Variants in MYO3A observed in about 807,000 individuals in gnomAD.
MYO3A encodes the protein myosin-IIIa.
MYO3A carries 180 observed loss-of-function variants against 192.7 expected under a neutral mutation model. The ratio of observed to expected loss-of-function variants is 0.93; its 90% CI spans 0.83 to 1.06. The LOEUF (loss-of-function observed/expected upper bound fraction) is 1.06, where lower values mean the gene tolerates loss of function less well. Ranked by LOEUF, MYO3A falls within the 50% of genes least tolerant of loss-of-function variation. The pLI is 0.00. For missense variants in MYO3A, 1,896 were observed against 1,905.0 expected (o/e 1.00, Z 0.09); for synonymous variants, 628 against 645.3 (o/e 0.97, Z 0.41).
chr10:26,141,358 G>C (rs1840154596), intron 20 of MYO3A, among the ~76,000 whole-genome samples: 1 of 152,080 alleles, frequency 6.6e-6, no homozygotes, highest in South Asian at 2.1e-4. Context: ...AATTATTTTA[G>C]GCATTATAAT....
chr10:26,208,115 A>G (rs1204773528), intron 34 of MYO3A, among the ~76,000 whole-genome samples: 5 of 152,116 alleles, frequency 3.3e-5, no homozygotes, highest in African/African-American at 1.2e-4. Context: ...GTGACAGGCA[A>G]TCAGTGATTA....
chr10:26,167,948 A>G (rs2132002403), intron 27 of MYO3A, among the ~76,000 whole-genome samples: 1 of 152,334 alleles, frequency 6.6e-6, no homozygotes, highest in Non-Finnish European at 1.5e-5. Flanking sequence ...TTAGCCATTA[A>G]AAGGAAAACA....
chr10:26,174,558 G>T lies in MYO3A; in HGVS notation c.4293+1G>T, dbSNP rs747458532. 26 of 1,611,216 alleles carry T rather than the reference G, an allele frequency of 1.6e-5. No individual in the cohort carries two copies. Among genetic ancestry groups the T allele is most frequent in the Non-Finnish European group, 2.2e-5 (26 of 1,178,104 alleles). ...TGGTTTGGCAATTTTTTCAAAACAG[G>T]TATGTGAATAAATAAATTTATTTAC... On this transcript the variant is annotated splice_donor_variant, in intron 30 of 34. Coordinates refer to ENST00000642920, the MANE Select transcript of MYO3A (RefSeq NM_017433.5). LOFTEE classifies it high-confidence loss of function.
intron 17 of MYO3A, among the ~76,000 whole-genome samples, chr10:26,110,215 C>A (rs549625847): frequency 6.6e-6 from 1 of 152,154 alleles, no homozygotes; most frequent in African/African-American, 2.4e-5. Flanking sequence ...TTTGGATTGA[C>A]AAGTCAGGCT....
At chr10:26,136,498 A>G (rs1434399229) in intron 20 of MYO3A, among the ~76,000 whole-genome samples, 3 of 152,196 alleles carry the variant, frequency 2.0e-5, no homozygotes, top group African/African-American at 7.2e-5. Flanking sequence ...AATCACTTCA[A>G]TTGGTGACTT....
intron 4 of MYO3A, among the ~76,000 whole-genome samples, chr10:25,975,435 G>A (rs988039380): frequency 2.6e-5 from 4 of 152,206 alleles, no homozygotes; most frequent in African/African-American, 2.4e-5. Context: ...GAAAGAAAGC[G>A]TAACGGCAGT....
intron 9 of MYO3A, 89 bp from the exon 10 acceptor site, chr10:26,026,288 C>A (rs1268978636): frequency 6.9e-7 from 1 of 1,459,698 alleles, no homozygotes; most frequent in East Asian, 2.4e-5. Context: ...GCATCACTCT[C>A]GTGTGTTAGA....
At chr10:26,054,636 G>A (rs1844207129) in intron 10 of MYO3A, among the ~76,000 whole-genome samples, 1 of 152,190 alleles carries the variant, frequency 6.6e-6, no homozygotes, top group Admixed American at 6.5e-5. Flanking sequence ...TCCGGGATTA[G>A]TGGCCGGGCC....
intron 22 of MYO3A, 67 bp downstream of exon 22, chr10:26,145,601 G>T: frequency 2.5e-6 from 3 of 1,211,172 alleles, no homozygotes; most frequent in Admixed American, 1.7e-5. Flanking sequence ...GGATAGACAT[G>T]AAAATTATGG....
intron 22 of MYO3A, among the ~76,000 whole-genome samples, chr10:26,146,508 C>T (rs1385092950): frequency 6.6e-6 from 1 of 152,104 alleles, no homozygotes; most frequent in Non-Finnish European, 1.5e-5. Flanking sequence ...GCCTCTCTTC[C>T]TGGCTTGAAG....
chr10:26,107,481 CA>C (rs1271959522), intron 17 of MYO3A, among the ~76,000 whole-genome samples: 2,175 of 74,418 alleles, frequency 0.029, 41 homozygotes, highest in African/African-American at 0.092. Context: ...AACACCATCT[CA>C]AAAAAAAAAA....
At chr10:25,985,677 A>G (rs1288244099) in intron 4 of MYO3A, among the ~76,000 whole-genome samples, 2 of 152,150 alleles carry the variant, frequency 1.3e-5, no homozygotes, top group Non-Finnish European at 2.9e-5. Context: ...ACCAATAACA[A>G]GCAGCAAGTT....
intron 31 of MYO3A, among the ~76,000 whole-genome samples, chr10:26,191,035 A>T (rs1326946603): frequency 6.6e-6 from 1 of 152,210 alleles, no homozygotes; most frequent in African/African-American, 2.4e-5. Context: ...TTCAGATTTT[A>T]AATAATATTG....
intron 6 of MYO3A, among the ~76,000 whole-genome samples, chr10:26,010,450 GTTTTTTTT>G (rs778349166): frequency 6.3e-5 from 7 of 111,234 alleles, no homozygotes; most frequent in Non-Finnish European, 8.8e-5. Context: ...CTAAGTAGTT[GTTTTTTTT>G]TTTTTTTTTT....
chr10:26,124,207 A>C (rs925497081), intron 18 of MYO3A, among the ~76,000 whole-genome samples: 1 of 151,830 alleles, frequency 6.6e-6, no homozygotes, highest in Admixed American at 6.6e-5. Context: ...AAAAAAAAAA[A>C]AAACTTTTAC....
intron 2 of MYO3A, among the ~76,000 whole-genome samples, chr10:25,946,877 C>CAAAAAAAAAAA (rs34045169): frequency 2.0e-5 from 1 of 50,150 alleles, no homozygotes; most frequent in African/African-American, 9.9e-5. Flanking sequence ...GACTCCGTCT[C>CAAAAAAAAAAA]AAAAAAAAAA....
chr10:26,006,688 T>C (rs1052230296), intron 6 of MYO3A, among the ~76,000 whole-genome samples: 1 of 150,988 alleles, frequency 6.6e-6, no homozygotes, highest in African/African-American at 2.4e-5. Context: ...CAGGAAGAAG[T>C]TGAATCTCTG....
chr10:26,090,850 CAG>C (rs1398421845), intron 15 of MYO3A, among the ~76,000 whole-genome samples: 1 of 152,228 alleles, frequency 6.6e-6, no homozygotes, highest in East Asian at 1.9e-4. Context: ...CATGGACTAA[CAG>C]GGGTGAGGAG....
At chr10:26,036,663 T>G (rs979815089) in intron 10 of MYO3A, among the ~76,000 whole-genome samples, 5 of 152,208 alleles carry the variant, frequency 3.3e-5, no homozygotes, top group African/African-American at 9.6e-5. Context: ...CGCCAGTGGC[T>G]CCCATCACAA....
Sources: allele counts gnomAD v4.1 joint callset (sites outside exome capture counted in the v4.1 genomes callset), GRCh38; gene constraint gnomAD v4.1.1; transcripts MANE v1.5; gene names NCBI Gene and HGNC (gene_info 2026-07-23, HGNC 2026-07-21).